The following PARPBP variants were observed in gnomAD, a reference collection of about 807,000 sequenced individuals.
PARPBP encodes the protein PCNA-interacting partner.
Under a neutral mutation model 50.0 loss-of-function variants are expected in PARPBP, and 52 were observed. That is an observed-to-expected ratio of 1.04 (90% CI 0.83 to 1.31). The LOEUF (loss-of-function observed/expected upper bound fraction) is 1.31. PARPBP is among the 50% of genes most tolerant of loss of function. The pLI is 0.00. For missense variants in PARPBP, 697 were observed against 672.0 expected (o/e 1.04, Z -0.41); for synonymous variants, 244 against 232.1 (o/e 1.05, Z -0.47).
At chr12:102,189,773 C>T (rs915117576) in intron 9 of PARPBP, among the ~76,000 whole-genome samples, 5 of 151,906 alleles carry the variant, frequency 3.3e-5, no homozygotes, top group African/African-American at 1.2e-4. Flanking sequence ...GACAGTATGC[C>T]TTTTATGGTA....
Position 102,153,981 on chromosome 12 carries a change from T to C in PARPBP, c.495+5T>C. 1.4e-6 allele frequency: 2 copies of C among 1,433,716 alleles called. No individual in the cohort carries two copies. Among genetic ancestry groups the C allele is most frequent in the Non-Finnish European group, 9.8e-7 (1 of 1,016,346 alleles). 88.8% of individuals were successfully genotyped at this position (1,433,716 alleles called of 1,614,324 possible). On this transcript the variant is annotated splice_donor_5th_base_variant and intron_variant, in intron 4 of 10. Transcript: ENST00000327680. The stretch of plus-strand genomic sequence containing the variant: ...TACAACCGTGATAATGAAAAGGTAC[T>C]GATAAACTGTGAGTAAATTAAAGCA...
intron 2 of PARPBP, among the ~76,000 whole-genome samples, chr12:102,134,562 A>G (rs1325563119): frequency 6.6e-6 from 1 of 152,216 alleles, no homozygotes. Context: ...AACTCTTCCA[A>G]AAGCATGCAG....
At chr12:102,153,828 C>A (rs765713653) in intron 3 of PARPBP, 41 bp from the exon 4 acceptor site, 8 of 1,051,954 alleles carry the variant, frequency 7.6e-6, no homozygotes, top group Non-Finnish European at 1.2e-5. Context: ...TTTTTATAGT[C>A]AGCATAGCAT....
Position 102,154,405 on chromosome 12 carries a change from G to A in PARPBP, c.495+429G>A, listed in dbSNP as rs568237590. On this transcript the variant is annotated intron_variant, in intron 4 of 10. Transcript: ENST00000327680. ...GATAGGGTTTGTCGTATAAACCACC[G>A]AAAAGTAGTGCCACATACAAGTTTG... 4.6e-4 allele frequency among the ~76,000 whole-genome samples: 70 copies of A among 152,264 alleles called. 3 individuals carry two copies. The highest frequency in any genetic ancestry group is 3.9e-4 in the East Asian group (2 of 5,190).
At position 102,175,670 on chromosome 12, in the gene PARPBP, A is replaced by G; in HGVS notation, c.1005+4A>G. On this transcript the variant is annotated splice_donor_region_variant and intron_variant, in intron 7 of 10. Coordinates refer to ENST00000327680, the MANE Select transcript of PARPBP (RefSeq NM_017915.5). ...CACTGACATCAGTCCTGCTCGGGTA[A>G]TGAGCTTTTTATTTTTCATTATCCT... The G allele has an allele frequency of 6.4e-7, 1 of 1,559,994 alleles. No individual in the cohort carries two copies. The highest frequency in any genetic ancestry group is 8.7e-7 in the Non-Finnish European group (1 of 1,149,132).
intron 4 of PARPBP, among the ~76,000 whole-genome samples, chr12:102,158,396 T>C (rs1887196576): frequency 6.6e-6 from 1 of 152,202 alleles, no homozygotes; most frequent in African/African-American, 2.4e-5. Flanking sequence ...TTCACTGTTT[T>C]AAAATGAGTT....
intron 7 of PARPBP, among the ~76,000 whole-genome samples, chr12:102,176,510 A>G (rs7303553): frequency 1.1e-4 from 17 of 152,192 alleles, no homozygotes; most frequent in Non-Finnish European, 2.4e-4. Flanking sequence ...TATTCCCAGA[A>G]CATTTACTTA....
rs550036731 is a variant in PARPBP, at chr12:102,195,877, T to C, written c.1400-74T>C. On this transcript the variant is annotated intron_variant, in intron 10 of 10. Coordinates refer to ENST00000327680, the MANE Select transcript of PARPBP (RefSeq NM_017915.5). ...AATATTCGTTAGCCATTTTTAAAGT[T>C]TATTGTAAAGTTCTCGTAAATATTA... The C allele has an allele frequency of 3.1e-6, 3 of 961,430 alleles. No individual in the cohort carries two copies. The African/African-American group carries it at 5.0e-5, about 16-fold the overall frequency. The allele number at this position is 961,430 out of a possible 1,614,324, so 59.6% of individuals were successfully genotyped here.
chr12:102,167,859 C>T (rs538773002), intron 6 of PARPBP, among the ~76,000 whole-genome samples: 2 of 152,222 alleles, frequency 1.3e-5, no homozygotes, highest in South Asian at 4.1e-4. Context: ...ACTGACTGCT[C>T]AGAATAGAGG....
chr12:102,129,055 T>C (rs1882448744), intron 2 of PARPBP, among the ~76,000 whole-genome samples: 1 of 152,230 alleles, frequency 6.6e-6, no homozygotes. Flanking sequence ...TTAGTAATGT[T>C]GAGCATTTTT....
intron 1 of PARPBP, among the ~76,000 whole-genome samples, chr12:102,123,615 A>G (rs756979797): frequency 2.0e-5 from 3 of 151,596 alleles, no homozygotes; most frequent in Non-Finnish European, 4.4e-5. Context: ...GTAAATTTGC[A>G]TGTCTGTTTT....
chr12:102,127,701 C>T (rs1448922195), intron 2 of PARPBP, among the ~76,000 whole-genome samples: 1 of 151,912 alleles, frequency 6.6e-6, no homozygotes, highest in Non-Finnish European at 1.5e-5. Context: ...GAATAGTGTG[C>T]AATAATTAAA....
chr12:102,165,921 C>G, intron 6 of PARPBP, 38 bp downstream of exon 6: 1 of 1,320,796 alleles, frequency 7.6e-7, no homozygotes, highest in African/African-American at 1.5e-5. Flanking sequence ...TGTTTTTAAT[C>G]TATCTTTAAA....
intron 6 of PARPBP, among the ~76,000 whole-genome samples, chr12:102,166,317 C>T (rs1888137903): frequency 6.6e-6 from 1 of 151,956 alleles, no homozygotes; most frequent in Non-Finnish European, 1.5e-5. Flanking sequence ...ATCTTTGGTT[C>T]ATCTGGGATT....
chr12:102,137,412 T>C (rs1034389313), intron 2 of PARPBP, among the ~76,000 whole-genome samples: 1 of 152,210 alleles, frequency 6.6e-6, no homozygotes, highest in Non-Finnish European at 1.5e-5. Flanking sequence ...AAAAGACATA[T>C]TGAAATACTC....
intron 2 of PARPBP, among the ~76,000 whole-genome samples, chr12:102,140,282 T>C (rs1256546257): frequency 6.6e-6 from 1 of 152,218 alleles, no homozygotes; most frequent in Non-Finnish European, 1.5e-5. Flanking sequence ...GAGGTGTTTA[T>C]AGTATTGTCT....
At chr12:102,122,699 A>G (rs556148043) in intron 1 of PARPBP, among the ~76,000 whole-genome samples, 1 of 152,338 alleles carries the variant, frequency 6.6e-6, no homozygotes, top group East Asian at 1.9e-4. Context: ...GAAGTTACTT[A>G]ACATGATGCT....
At chr12:102,135,561 A>C (rs1317363786) in intron 2 of PARPBP, among the ~76,000 whole-genome samples, 1 of 150,824 alleles carries the variant, frequency 6.6e-6, no homozygotes, top group Non-Finnish European at 1.5e-5. Flanking sequence ...AAAAAAAAAA[A>C]TGACAAGGCA....
chr12:102,157,806 A>G (rs1357302498), intron 4 of PARPBP, among the ~76,000 whole-genome samples: 1 of 150,024 alleles, frequency 6.7e-6, no homozygotes, highest in East Asian at 1.9e-4. Context: ...TGAATCAGTT[A>G]TTTCTGTAGT....
Sources: allele counts gnomAD v4.1 joint callset (sites outside exome capture counted in the v4.1 genomes callset), GRCh38; gene constraint gnomAD v4.1.1; transcripts MANE v1.5; gene names NCBI Gene and HGNC (gene_info 2026-07-23, HGNC 2026-07-21).